PSIP1: variants seen among roughly 807,000 people sequenced by gnomAD.
PSIP1 encodes PC4 and SFRS1-interacting protein.
Under a neutral mutation model 74.7 loss-of-function variants are expected in PSIP1, and 19 were observed. The observed-to-expected ratio is 0.25, with a 90% CI of 0.18 to 0.37. The LOEUF is 0.37. PSIP1 is among the 10% of genes least tolerant of loss of function. PSIP1 has a pLI of 1.00. For missense variants in PSIP1, 601 were observed against 614.3 expected, an observed-to-expected ratio of 0.98 and a Z score of 0.23; for synonymous variants, 222 against 195.3, an observed-to-expected ratio of 1.14 and a Z score of -1.14.
rs1479511297 is a variant in PSIP1, at chr9:15,474,053, T to C, written c.814A>G (p.Thr272Ala). The change falls in exon 9 of 16, where the codon ACC becomes GCC. Residue 272 changes from threonine (T) to alanine (A), a missense_variant. Physicochemically the swap from Thr to Ala is moderately conservative, Grantham distance 58. Coordinates refer to ENST00000380733, the MANE Select transcript of PSIP1 (RefSeq NM_033222.5). ...KNLAKTGVTSTSDSEEEGDDQ... is the reference protein window; with the variant it reads ...KNLAKTGVTSASDSEEEGDDQ... ...TCTCCTTCTTCTTCAGAATCGGAGGTTGAAGTAACCCCTGTTTTAGCTAAA... is the reference window on the plus strand; with the variant it reads ...TCTCCTTCTTCTTCAGAATCGGAGGCTGAAGTAACCCCTGTTTTAGCTAAA... 7.4e-6 allele frequency: 12 copies of C among 1,613,616 alleles called. No homozygotes were observed. Among genetic ancestry groups the C allele is most frequent in the East Asian group, 2.2e-5 (1 of 44,846 alleles).
intron 3 of PSIP1, 119 bp from the exon 4 acceptor site, chr9:15,490,243 TA>T: frequency 1.1e-6 from 1 of 928,880 alleles, no homozygotes; most frequent in Non-Finnish European, 1.5e-6. Context: ...TTACAAATCT[TA>T]AATAAGTTAA....
chr9:15,465,628 A>C, intron 15 of PSIP1, 48 bp from the exon 16 acceptor site: 1 of 1,439,672 alleles, frequency 6.9e-7, no homozygotes, highest in Non-Finnish European at 9.6e-7. Flanking sequence ...TTTTCTCCTG[A>C]TGAAGGAAAA....
chr9:15,471,910 GAA>G, intron 10 of PSIP1: 1 of 982,624 alleles, frequency 1.0e-6, no homozygotes, highest in Non-Finnish European at 1.2e-6. Flanking sequence ...CGCTTCACGA[GAA>G]AAGAAAAGCA....
At chr9:15,489,000 G>A (rs762260028) in intron 4 of PSIP1, among the ~76,000 whole-genome samples, 16 of 151,866 alleles carry the variant, frequency 1.1e-4, no homozygotes, top group South Asian at 8.3e-4. Flanking sequence ...CAGCCTGGGC[G>A]ACAGAGCGAG....
Position 15,464,968 on chromosome 9 carries a change from C to G in PSIP1, c.*552G>C. On this transcript the variant is annotated 3_prime_UTR_variant, in exon 16 of 16. Transcript: ENST00000380733. Reference sequence around the variant, plus strand: ...CAGAGCACACATTGTTCCAAAGAAGCTGGATAATGTAGCACAATGTAGACT... The same window carrying G: ...CAGAGCACACATTGTTCCAAAGAAGGTGGATAATGTAGCACAATGTAGACT... 4.6e-6 allele frequency: 1 copy of G among 217,206 alleles called. No individual in the cohort carries two copies. The highest frequency in any genetic ancestry group is 9.3e-6 in the Non-Finnish European group (1 of 107,834). 13.5% of individuals were successfully genotyped at this position (217,206 alleles called of 1,614,324 possible). A position where few individuals can be genotyped will look rare whatever the true frequency, so the allele number is the denominator to read the frequency against.
chr9:15,477,611 C>G (rs2036146897), intron 8 of PSIP1, among the ~76,000 whole-genome samples: 1 of 152,036 alleles, frequency 6.6e-6, no homozygotes, highest in Admixed American at 6.5e-5. Flanking sequence ...GTTTTTCTCC[C>G]CCTTTGTCTA....
At chr9:15,490,167 A>C in intron 3 of PSIP1, 43 bp from the exon 4 acceptor site, 1 of 1,509,102 alleles carries the variant, frequency 6.6e-7, no homozygotes. Flanking sequence ...AGCAAGCTCA[A>C]ATACATAATT....
At chr9:15,494,411 C>T (rs1431403474) in intron 3 of PSIP1, among the ~76,000 whole-genome samples, 3 of 151,544 alleles carry the variant, frequency 2.0e-5, no homozygotes, top group African/African-American at 7.3e-5. Flanking sequence ...ACTAAAAATA[C>T]AAAATTAGCC....
At chr9:15,477,316 C>A (rs2036132251) in intron 8 of PSIP1, among the ~76,000 whole-genome samples, 1 of 152,116 alleles carries the variant, frequency 6.6e-6, no homozygotes, top group Non-Finnish European at 1.5e-5. Context: ...TTTACCATAC[C>A]ACCTCACATA....
Position 15,465,040 on chromosome 9 carries a change from T to C in PSIP1, c.*480A>G, listed in dbSNP as rs41303233. On this transcript the variant is annotated 3_prime_UTR_variant, in exon 16 of 16. Transcript: ENST00000380733. Reference sequence around the variant, plus strand: ...GATAAAAAGGGAGTGAGTACTTGTATAGAAGTAACATTTTATCTACCATAA... The same window carrying C: ...GATAAAAAGGGAGTGAGTACTTGTACAGAAGTAACATTTTATCTACCATAA... 16 of 223,342 alleles carry C rather than the reference T, an allele frequency of 7.2e-5. No homozygotes were observed. The highest frequency in any genetic ancestry group is 1.8e-4 in the South Asian group (1 of 5,470). The allele number at this position is 223,342 out of a possible 1,614,324, so 13.8% of individuals were successfully genotyped here. A position where few individuals can be genotyped will look rare whatever the true frequency, so the allele number is the denominator to read the frequency against.
chr9:15,479,567 ATATT>A lies in PSIP1; in HGVS notation c.553+20_553+23del, dbSNP rs778302509. The A allele has an allele frequency of 1.9e-6, 3 of 1,541,936 alleles. No individual in the cohort carries two copies. In the Admixed American group the frequency reaches 5.6e-5, roughly 29 times the overall value. On this transcript the variant is annotated intron_variant, in intron 7 of 15. Transcript: ENST00000380733. ...GGAATATTAATCACAAGCCAAACAG[ATATT>A]TAAACATCAGTAATCCTACCTGCAG...
intron 3 of PSIP1, among the ~76,000 whole-genome samples, chr9:15,504,513 A>G (rs960502825): frequency 6.6e-6 from 1 of 152,274 alleles, no homozygotes; most frequent in East Asian, 1.9e-4. Context: ...CGAGGTGGGC[A>G]GATCACGAGG....
chr9:15,478,404 T>C, intron 8 of PSIP1, 73 bp downstream of exon 8: 1 of 1,101,496 alleles, frequency 9.1e-7, no homozygotes, highest in South Asian at 1.5e-5. Context: ...ACTGATAAAA[T>C]CGCAGAGATA....
chr9:15,510,272 GCCCAGCTACCGGGC>G lies in PSIP1; in HGVS notation c.-98_-85del. 7.7e-7 allele frequency: 1 copy of G among 1,298,538 alleles called. No homozygotes were observed. The highest frequency in any genetic ancestry group is 1.1e-6 in the Non-Finnish European group (1 of 942,558). 80.4% of individuals were successfully genotyped at this position (1,298,538 alleles called of 1,614,324 possible). ...GCGGGGATGCGGGCGGCGGACGCGG[GCCCAGCTACCGGGC>G]CCGCGGGCGGGGGAGGATGCCTCGG... On this transcript the variant is annotated 5_prime_UTR_variant, in exon 2 of 16. Transcript: ENST00000380733.
In PSIP1 at chr9:15,490,127, A is replaced by G. The variant is rs1229218585; in HGVS notation, c.150-3T>C. ...TATCCTTTGGTCCTAAAAAAGCACT[A>G]AAAAAGAAGTGGGGAAGATGTGAGT... On this transcript the variant is annotated splice_region_variant and splice_polypyrimidine_tract_variant and intron_variant, in intron 3 of 15. Coordinates refer to ENST00000380733, the MANE Select transcript of PSIP1 (RefSeq NM_033222.5). 1.3e-6 allele frequency: 2 copies of G among 1,574,406 alleles called. No individual in the cohort carries two copies. The highest frequency in any genetic ancestry group is 1.7e-6 in the Non-Finnish European group (2 of 1,165,784).
rs1270222000 is a variant in PSIP1 at position 15,468,496 on chromosome 9, T to C, written c.1420+134A>G. 1.3e-5 allele frequency: 13 copies of C among 980,412 alleles called. No homozygotes were observed. In the Admixed American group the frequency reaches 1.9e-4, roughly 14 times the overall value. The allele number at this position is 980,412 out of a possible 1,614,324, so 60.7% of individuals were successfully genotyped here. On this transcript the variant is annotated intron_variant, in intron 14 of 15. Coordinates refer to ENST00000380733, the MANE Select transcript of PSIP1 (RefSeq NM_033222.5). ...TAGTCCTTCAATAGGCCCATCAGAT[T>C]TTCACCATTTTGCCTTTGTATACTT...
At position 15,472,606 on chromosome 9, in the gene PSIP1, A is replaced by G. The variant is rs747284152; in HGVS notation, c.977+26T>C. The G allele has an allele frequency of 4.5e-6, 7 of 1,564,542 alleles. No homozygotes were observed. The African/African-American group carries it at 8.4e-5, about 19-fold the overall frequency. ...CATGCTAGCCTTTAAAAAGAACCCA[A>G]AATTTAGAAAAAAAAAAATACTTAC... On this transcript the variant is annotated intron_variant, in intron 10 of 15. Coordinates refer to ENST00000380733, the MANE Select transcript of PSIP1 (RefSeq NM_033222.5).
At chr9:15,470,873 C>G in intron 10 of PSIP1, 1 of 1,079,258 alleles carries the variant, frequency 9.3e-7, no homozygotes, top group Non-Finnish European at 1.1e-6. Context: ...TAATGTACAA[C>G]CACCATCTTC....
intron 10 of PSIP1, chr9:15,472,221 G>C: frequency 1.0e-6 from 1 of 988,796 alleles, no homozygotes; most frequent in Non-Finnish European, 1.2e-6. Flanking sequence ...TGTTACTTTT[G>C]CTGGTCTTTA....
Sources: gnomAD v4.1 joint callset for allele counts (sites outside exome capture counted in the v4.1 genomes callset) on GRCh38, gnomAD v4.1.1 for gene constraint, MANE v1.5 for transcripts, NCBI Gene and HGNC (gene_info 2026-07-23, HGNC 2026-07-21) for gene names.